PPFIBP1: variants seen among roughly 807,000 people sequenced by gnomAD.
The protein encoded by PPFIBP1 is PPFIB scaffold protein 1.
A neutral mutation model predicts 137.8 loss-of-function variants in PPFIBP1; 112 were observed. That is an observed-to-expected ratio of 0.81 (90% CI 0.70 to 0.95). The LOEUF (loss-of-function observed/expected upper bound fraction) is 0.95. Ranked by LOEUF, PPFIBP1 falls within the 40% of genes least tolerant of loss-of-function variation. The probability of loss-of-function intolerance (pLI) is 0.00; values close to 1 mark genes in which losing one functional copy is unlikely to be tolerated. For missense variants in PPFIBP1, 1,083 were observed against 1,196.6 expected (o/e 0.91, Z 1.40); for synonymous variants, 378 against 417.3 (o/e 0.91, Z 1.15).
Position 27,592,785 on chromosome 12 carries a change from AC to A in PPFIBP1, c.-36+14548del, listed in dbSNP as rs1328701265. Reference sequence around the variant, plus strand: ...ATAAAGAATATGTTAGGTAGGCGTAACCATGACAGCAGCCAAGTCAACATTT... The same window carrying A: ...ATAAAGAATATGTTAGGTAGGCGTAACATGACAGCAGCCAAGTCAACATTT... On this transcript the variant is annotated intron_variant, in intron 2 of 29. Transcript: ENST00000228425. 7 of 735,368 alleles carry A rather than the reference AC, an allele frequency of 9.5e-6. No homozygotes were observed. In the African/African-American group the frequency reaches 1.2e-4, roughly 13 times the overall value. The allele number at this position is 735,368 out of a possible 1,614,324, so 45.6% of individuals were successfully genotyped here.
intron 2 of PPFIBP1, among the ~76,000 whole-genome samples, chr12:27,609,545 G>C (rs546837566): frequency 6.6e-6 from 1 of 152,024 alleles, no homozygotes; most frequent in Non-Finnish European, 1.5e-5. Flanking sequence ...CATCTTCTCG[G>C]GATCCCTTCT....
Position 27,694,473 on chromosome 12 carries a change from C to T in PPFIBP1, c.*1591C>T, listed in dbSNP as rs2061687848. 6.6e-6 allele frequency: 1 copy of T among 152,176 alleles called. No individual in the cohort carries two copies. The highest frequency in any genetic ancestry group is 1.5e-5 in the Non-Finnish European group (1 of 68,028). The allele number at this position is 152,176 out of a possible 1,614,324, so 9.4% of individuals were successfully genotyped here. Reference sequence around the variant, plus strand: ...GCAAAATACTAGCAGTCTGCCTAAACATGTTCATTGTACATTTCTCAGGCT... The same window carrying T: ...GCAAAATACTAGCAGTCTGCCTAAATATGTTCATTGTACATTTCTCAGGCT... On this transcript the variant is annotated 3_prime_UTR_variant, in exon 30 of 30. Coordinates refer to ENST00000228425, the MANE Select transcript of PPFIBP1 (RefSeq NM_003622.4).
intron 2 of PPFIBP1, among the ~76,000 whole-genome samples, chr12:27,579,261 A>C (rs1455865510): frequency 1.3e-5 from 2 of 152,244 alleles, no homozygotes; most frequent in African/African-American, 4.8e-5. Flanking sequence ...ACCAAAGGGC[A>C]CGGACCAGAT....
intron 2 of PPFIBP1, among the ~76,000 whole-genome samples, chr12:27,603,085 C>A (rs1346920910): frequency 6.6e-6 from 1 of 152,168 alleles, no homozygotes; most frequent in Non-Finnish European, 1.5e-5. Flanking sequence ...GTGCTTCATG[C>A]AACACCAAAT....
intron 22 of PPFIBP1, 114 bp downstream of exon 22, chr12:27,681,810 A>G (rs1336589056): frequency 7.9e-7 from 1 of 1,260,382 alleles, no homozygotes; most frequent in African/African-American, 1.5e-5. Context: ...AAAACTCTGT[A>G]AACAAAAGTT....
intron 1 of PPFIBP1, among the ~76,000 whole-genome samples, chr12:27,560,558 C>T (rs2049071716): frequency 6.6e-6 from 1 of 152,210 alleles, no homozygotes; most frequent in Non-Finnish European, 1.5e-5. Flanking sequence ...CTGGCTGCAT[C>T]TGTGCTTAGA....
At position 27,540,467 on chromosome 12, in the gene PPFIBP1, A is replaced by G. The variant is rs1048895518; in HGVS notation, c.-124+16102A>G. 5.5e-4 allele frequency among the ~76,000 whole-genome samples: 84 copies of G among 152,254 alleles called. No individual in the cohort carries two copies. The Middle Eastern group carries it at 0.01, about 18-fold the overall frequency. Reference sequence around the variant, plus strand: ...CAGTGACCCTGTCTCTACAAAAAAAAAAAAAAGTGATCTTCAGCCTCACAA... The same window carrying G: ...CAGTGACCCTGTCTCTACAAAAAAAGAAAAAAGTGATCTTCAGCCTCACAA... On this transcript the variant is annotated intron_variant, in intron 1 of 29. Transcript: ENST00000228425.
chr12:27,685,825 G>T (rs2061171045), intron 24 of PPFIBP1, among the ~76,000 whole-genome samples: 1 of 152,088 alleles, frequency 6.6e-6, no homozygotes, highest in Admixed American at 6.5e-5. Flanking sequence ...AAGGTATACA[G>T]AATTCTATTC....
chr12:27,640,285 G>A (rs541987430), intron 4 of PPFIBP1, among the ~76,000 whole-genome samples: 1 of 152,156 alleles, frequency 6.6e-6, no homozygotes, highest in Admixed American at 6.5e-5. Flanking sequence ...AGTTAAGAAA[G>A]AAAATGTGAC....
intron 2 of PPFIBP1, among the ~76,000 whole-genome samples, chr12:27,607,518 G>C (rs1473154415): frequency 3.3e-5 from 5 of 152,170 alleles, no homozygotes; most frequent in Non-Finnish European, 1.5e-5. Context: ...AGAATCACCT[G>C]GAGGACTTGT....
intron 2 of PPFIBP1, among the ~76,000 whole-genome samples, chr12:27,619,352 A>G (rs1344245942): frequency 6.6e-6 from 1 of 152,208 alleles, no homozygotes; most frequent in Non-Finnish European, 1.5e-5. Flanking sequence ...AATAATGACA[A>G]GAAAAAGTCT....
chr12:27,651,881 T>C (rs989338104), intron 7 of PPFIBP1, among the ~76,000 whole-genome samples: 4 of 152,164 alleles, frequency 2.6e-5, no homozygotes, highest in Non-Finnish European at 5.9e-5. Context: ...TCAAATCTCT[T>C]TTCCCCACTT....
intron 1 of PPFIBP1, among the ~76,000 whole-genome samples, chr12:27,575,809 C>T (rs2050507639): frequency 6.6e-6 from 1 of 152,094 alleles, no homozygotes; most frequent in Non-Finnish European, 1.5e-5. Context: ...TTAAACTTGT[C>T]ATTGAGATTT....
intron 2 of PPFIBP1, among the ~76,000 whole-genome samples, chr12:27,604,275 T>A (rs1374534481): frequency 6.6e-6 from 1 of 152,214 alleles, no homozygotes; most frequent in African/African-American, 2.4e-5. Flanking sequence ...ATATATAGTA[T>A]CTGAGTGAGT....
At chr12:27,623,578 C>T (rs2056538600) in intron 2 of PPFIBP1, among the ~76,000 whole-genome samples, 1 of 151,954 alleles carries the variant, frequency 6.6e-6, no homozygotes, top group Admixed American at 6.6e-5. Context: ...TATGGTCGCA[C>T]CCACCTGTGG....
intron 2 of PPFIBP1, chr12:27,594,022 A>T: frequency 7.5e-7 from 1 of 1,333,336 alleles, no homozygotes; most frequent in Non-Finnish European, 9.7e-7. Context: ...TGTCGCTGTT[A>T]GAGGATGAAT....
chr12:27,580,908 C>CTTTTT (rs112914040), intron 2 of PPFIBP1, among the ~76,000 whole-genome samples: 1 of 146,242 alleles, frequency 6.8e-6, no homozygotes. Flanking sequence ...ACATTATACT[C>CTTTTT]TTTTTTTTTT....
intron 6 of PPFIBP1, among the ~76,000 whole-genome samples, 156 bp from the exon 7 acceptor site, chr12:27,649,854 A>G (rs1015889636): frequency 1.3e-5 from 2 of 152,182 alleles, no homozygotes; most frequent in Non-Finnish European, 2.9e-5. Flanking sequence ...GCCCAGCCTC[A>G]AGTGAATAAT....
Position 27,667,149 on chromosome 12 carries a change from GT to G in PPFIBP1, c.992-13del. Reference sequence around the variant, plus strand: ...CAAAAGCTGCTGTTGTCTTCTCTTTGTTTTATCTTTTCCTAGGCAAAGATGG... The same window carrying G: ...CAAAAGCTGCTGTTGTCTTCTCTTTGTTTATCTTTTCCTAGGCAAAGATGG... On this transcript the variant is annotated splice_polypyrimidine_tract_variant and intron_variant, in intron 12 of 29. Coordinates refer to ENST00000228425, the MANE Select transcript of PPFIBP1 (RefSeq NM_003622.4). 1 of 1,540,948 alleles carries G rather than the reference GT, an allele frequency of 6.5e-7. No homozygotes were observed. The highest frequency in any genetic ancestry group is 8.7e-7 in the Non-Finnish European group (1 of 1,143,584).
Sources: allele counts gnomAD v4.1 joint callset (sites outside exome capture counted in the v4.1 genomes callset), GRCh38; gene constraint gnomAD v4.1.1; transcripts MANE v1.5; gene names NCBI Gene and HGNC (gene_info 2026-07-23, HGNC 2026-07-21).